The following TENM3 variants were observed in gnomAD, a reference collection of about 807,000 sequenced individuals.
TENM3 encodes teneurin-3.
Under a neutral mutation model 255.1 loss-of-function variants are expected in TENM3, and 63 were observed. The ratio of observed to expected loss-of-function variants is 0.25; its 90% CI spans 0.20 to 0.30. The LOEUF (loss-of-function observed/expected upper bound fraction) is 0.30, where lower values mean the gene tolerates loss of function less well. Ranked by LOEUF, TENM3 falls within the 10% of genes least tolerant of loss-of-function variation. The probability of loss-of-function intolerance (pLI) is 1.00; values close to 1 mark genes in which losing one functional copy is unlikely to be tolerated. For synonymous variants in TENM3, 1,306 were observed against 1,322.3 expected (o/e 0.99, Z 0.27); for missense variants, 2,929 against 3,461.1 (o/e 0.85, Z 3.86).
the TENM3 span, among the ~76,000 whole-genome samples, chr4:182,057,357 C>CACTT: frequency 6.6e-6 from 1 of 151,106 alleles, no homozygotes; most frequent in Non-Finnish European, 1.5e-5. Flanking sequence ...AAGTTATATC[C>CACTT]ACTTAGACCC....
chr4:181,456,113 G>GTGTA, the TENM3 span, among the ~76,000 whole-genome samples: 2 of 79,522 alleles, frequency 2.5e-5, no homozygotes, highest in Admixed American at 2.3e-4. Context: ...GTGTGTGTGT[G>GTGTA]TATATATATA....
chr4:182,377,025 T>C (rs1281177301), intron 3 of TENM3, among the ~76,000 whole-genome samples: 1 of 152,186 alleles, frequency 6.6e-6, no homozygotes. Flanking sequence ...TTATGTCTGT[T>C]GTCCCAGTGT....
At chr4:182,022,919 A>AG in the TENM3 span, among the ~76,000 whole-genome samples, 1 of 152,214 alleles carries the variant, frequency 6.6e-6, no homozygotes, top group African/African-American at 2.4e-5. Context: ...TAAAGTGGAT[A>AG]GGGGCTGAGG....
At chr4:182,705,256 G>A (rs1758186638) in intron 12 of TENM3, among the ~76,000 whole-genome samples, 1 of 152,224 alleles carries the variant, frequency 6.6e-6, no homozygotes, top group East Asian at 1.9e-4. Flanking sequence ...CTTTAATGAG[G>A]TACTAATGTG....
intron 6 of TENM3, among the ~76,000 whole-genome samples, chr4:182,655,196 G>A (rs1248525230): frequency 2.0e-5 from 3 of 152,050 alleles, no homozygotes; most frequent in African/African-American, 7.2e-5. Flanking sequence ...ATTTATTTTG[G>A]TTTGTATTGA....
intron 1 of TENM3, among the ~76,000 whole-genome samples, chr4:182,301,634 T>A (rs1314768852): frequency 1.3e-5 from 2 of 152,228 alleles, no homozygotes; most frequent in Admixed American, 1.3e-4. Flanking sequence ...AAGCCTCTTG[T>A]GACACTATCT....
the TENM3 span, among the ~76,000 whole-genome samples, chr4:181,764,209 G>A: frequency 6.6e-6 from 1 of 150,916 alleles, no homozygotes; most frequent in Admixed American, 6.6e-5. Flanking sequence ...AATTTTAAAT[G>A]TCCTAATAAT....
chr4:181,902,855 G>A, the TENM3 span, among the ~76,000 whole-genome samples: 1 of 152,146 alleles, frequency 6.6e-6, no homozygotes, highest in Non-Finnish European at 1.5e-5. Flanking sequence ...CAAAGCATGT[G>A]CTCTTGGAGA....
At chr4:181,450,581 TGTTTGCGC>T in the TENM3 span, among the ~76,000 whole-genome samples, 1 of 152,186 alleles carries the variant, frequency 6.6e-6, no homozygotes, top group South Asian at 2.1e-4. Flanking sequence ...CTTATCTGAG[TGTTTGCGC>T]ATCCAATTCA....
the TENM3 span, among the ~76,000 whole-genome samples, chr4:181,889,172 G>T: frequency 6.6e-6 from 1 of 152,102 alleles, no homozygotes; most frequent in African/African-American, 2.4e-5. Context: ...GGTGGGGCCC[G>T]GTGGGGGGGA....
intron 1 of TENM3, among the ~76,000 whole-genome samples, chr4:182,265,407 A>G (rs1029413176): frequency 4.6e-5 from 7 of 152,130 alleles, no homozygotes; most frequent in African/African-American, 1.4e-4. Flanking sequence ...GCTGATGACA[A>G]AATGGGCTGA....
chr4:181,604,143 T>A, the TENM3 span, among the ~76,000 whole-genome samples: 1 of 152,038 alleles, frequency 6.6e-6, no homozygotes, highest in African/African-American at 2.4e-5. Context: ...CGGGTGCCTG[T>A]AGTCCCAGCT....
At chr4:181,934,966 A>G in the TENM3 span, among the ~76,000 whole-genome samples, 1 of 152,204 alleles carries the variant, frequency 6.6e-6, no homozygotes, top group Non-Finnish European at 1.5e-5. Flanking sequence ...ATTAACCAGA[A>G]AAGACTTTGT....
At chr4:182,032,896 C>T in the TENM3 span, among the ~76,000 whole-genome samples, 3 of 151,742 alleles carry the variant, frequency 2.0e-5, no homozygotes, top group East Asian at 5.8e-4. Context: ...GATGATGTCC[C>T]CTTTATCATT....
chr4:181,972,462 A>G, the TENM3 span, among the ~76,000 whole-genome samples: 3 of 151,602 alleles, frequency 2.0e-5, no homozygotes, highest in Non-Finnish European at 2.9e-5. Flanking sequence ...AAAAATTCAA[A>G]CTCATTCCTC....
rs547893803 is a variant in TENM3, at chr4:182,744,970, T to C, written c.3629+1551T>C. ...GAAAAAAAAAGGCGGAGGAAACCAA[T>C]GTTTTAAAGTAAAGCTGGCAAAAAG... On this transcript the variant is annotated intron_variant, in intron 19 of 27. Coordinates refer to ENST00000511685, the MANE Select transcript of TENM3 (RefSeq NM_001080477.4). 2.7e-3 allele frequency among the ~76,000 whole-genome samples: 404 copies of C among 152,214 alleles called. 4 individuals carry two copies. The highest frequency in any genetic ancestry group is 0.016 in the South Asian group (76 of 4,824).
chr4:181,669,398 C>T, the TENM3 span, among the ~76,000 whole-genome samples: 17 of 152,240 alleles, frequency 1.1e-4, no homozygotes, highest in African/African-American at 3.9e-4. Context: ...CTGTTTGGCT[C>T]CAGAGACCAT....
At chr4:182,490,241 A>G (rs1735159484) in intron 3 of TENM3, among the ~76,000 whole-genome samples, 1 of 152,206 alleles carries the variant, frequency 6.6e-6, no homozygotes, top group East Asian at 1.9e-4. Context: ...AACCATAGGT[A>G]TTCAAATATT....
intron 3 of TENM3, among the ~76,000 whole-genome samples, chr4:182,489,074 C>T (rs1412320230): frequency 6.6e-6 from 1 of 152,070 alleles, no homozygotes; most frequent in East Asian, 1.9e-4. Flanking sequence ...ACATGCTTTT[C>T]TGGACATAAG....
Sources: allele counts gnomAD v4.1 joint callset (sites outside exome capture counted in the v4.1 genomes callset), GRCh38; gene constraint gnomAD v4.1.1; transcripts MANE v1.5; gene names NCBI Gene and HGNC (gene_info 2026-07-23, HGNC 2026-07-21).